G2E3: variants seen among roughly 807,000 people sequenced by gnomAD.
G2E3 encodes G2/M-phase specific E3 ubiquitin protein ligase.
Under a neutral mutation model 92.8 loss-of-function variants are expected in G2E3, and 35 were observed. The observed-to-expected ratio is 0.38, with a 90% confidence interval of 0.29 to 0.50. G2E3 has a LOEUF of 0.50. Ranked by LOEUF, G2E3 falls within the 20% of genes least tolerant of loss-of-function variation. The probability of loss-of-function intolerance (pLI) is 0.94; values close to 1 mark genes in which losing one functional copy is unlikely to be tolerated. For missense variants in G2E3, 554 were observed against 823.8 expected (o/e 0.67, Z 4.01); for synonymous variants, 242 against 272.4 (o/e 0.89, Z 1.10).
At chr14:30,601,686 A>G (rs1270172079) in intron 8 of G2E3, 84 bp from the exon 9 acceptor site, 1 of 1,334,718 alleles carries the variant, frequency 7.5e-7, no homozygotes, top group Admixed American at 1.7e-5. Flanking sequence ...TTTGTGTGTA[A>G]GAAGGCAGGC....
At chr14:30,598,698 G>A in intron 8 of G2E3, 99 bp downstream of exon 8, 1 of 816,536 alleles carries the variant, frequency 1.2e-6, no homozygotes. Context: ...TTTCTCTTAG[G>A]ATGTTAGAAG....
rs1366521346 is a variant in G2E3, at chr14:30,574,118, AG to A, written c.-4-6957del. On this transcript the variant is annotated intron_variant, in intron 1 of 14. Transcript: ENST00000206595. Reference sequence around the variant, plus strand: ...TTCCACATTCACTTTATCATCCTGCAGTATTGTACATTTGCATGTAACTTCC... The same window carrying A: ...TTCCACATTCACTTTATCATCCTGCATATTGTACATTTGCATGTAACTTCC... 4.6e-5 allele frequency among the ~76,000 whole-genome samples: 7 copies of A among 152,286 alleles called. No individual in the cohort carries two copies. The East Asian group carries it at 1.4e-3, about 29-fold the overall frequency.
chr14:30,568,707 T>C (rs412988), intron 1 of G2E3, among the ~76,000 whole-genome samples: 1 of 152,196 alleles, frequency 6.6e-6, no homozygotes. Flanking sequence ...CTAAATGTTA[T>C]TGTGTCAAAT....
At chr14:30,615,208 C>A (rs1882256689) in intron 13 of G2E3, 141 bp from the exon 14 acceptor site, 1 of 527,600 alleles carries the variant, frequency 1.9e-6, no homozygotes, top group Non-Finnish European at 3.4e-6. Flanking sequence ...ATATGATTGT[C>A]TCTTGTGGGG....
intron 1 of G2E3, chr14:30,574,474 G>T (rs527344670): frequency 6.7e-6 from 1 of 149,370 alleles, no homozygotes; most frequent in Non-Finnish European, 1.5e-5. Flanking sequence ...TGTTACATAG[G>T]TAAACAACAT....
chr14:30,598,230 AC>A (rs1881386005), intron 7 of G2E3: 1 of 329,552 alleles, frequency 3.0e-6, no homozygotes, highest in Non-Finnish European at 5.8e-6. Context: ...ACTAAAAAAT[AC>A]AAAAACCAGC....
intron 10 of G2E3, among the ~76,000 whole-genome samples, chr14:30,603,257 C>T (rs557254768): frequency 6.7e-5 from 10 of 148,988 alleles, no homozygotes; most frequent in East Asian, 2.0e-4. Flanking sequence ...ACCCAGGAGG[C>T]GGAGGTTGCA....
chr14:30,595,519 G>A (rs1163133501), intron 6 of G2E3, among the ~76,000 whole-genome samples: 1 of 152,100 alleles, frequency 6.6e-6, no homozygotes, highest in Non-Finnish European at 1.5e-5. Flanking sequence ...CGTTAAAAAA[G>A]TAGAAATAAT....
chr14:30,607,160 A>AT (rs1881867218), intron 11 of G2E3, among the ~76,000 whole-genome samples: 1 of 152,108 alleles, frequency 6.6e-6, no homozygotes, highest in Admixed American at 6.5e-5. Flanking sequence ...GATTTGAGTA[A>AT]TTTTGAGTAG....
At chr14:30,598,728 T>A in intron 8 of G2E3, 129 bp downstream of exon 8, 1 of 708,074 alleles carries the variant, frequency 1.4e-6, no homozygotes, top group Non-Finnish European at 2.6e-6. Flanking sequence ...AGATGAGGGA[T>A]ATTTTCTAAT....
intron 11 of G2E3, among the ~76,000 whole-genome samples, 174 bp downstream of exon 11, chr14:30,605,986 G>A (rs1272420529): frequency 6.6e-6 from 1 of 152,078 alleles, no homozygotes; most frequent in Admixed American, 6.5e-5. Context: ...AGTTTAAAAA[G>A]TAAATTTTGT....
chr14:30,586,605 T>C (rs1342163887), intron 2 of G2E3, 113 bp from the exon 3 acceptor site: 1 of 461,930 alleles, frequency 2.2e-6, no homozygotes, highest in African/African-American at 2.1e-5. Flanking sequence ...CAATATTATA[T>C]GATTTGCTCT....
chr14:30,561,573 ATC>A (rs1175949397), intron 1 of G2E3, among the ~76,000 whole-genome samples: 1 of 152,214 alleles, frequency 6.6e-6, no homozygotes, highest in Non-Finnish European at 1.5e-5. Context: ...CTCCAAATCT[ATC>A]TCTTATTACA....
rs61976695 is a variant in G2E3 at position 30,592,732 on chromosome 14, C to A, written c.362+285C>A. 4.6e-3 allele frequency among the ~76,000 whole-genome samples: 705 copies of A among 152,242 alleles called. 1 individual carries two copies. Among genetic ancestry groups the A allele is most frequent in the Non-Finnish European group, 5.8e-3 (396 of 67,980 alleles). ...AATTTATCCATAATTCAGTGAAAAT[C>A]TCCACCTTTACATAATTCTAGATTT... On this transcript the variant is annotated intron_variant, in intron 5 of 14. Coordinates refer to ENST00000206595, the MANE Select transcript of G2E3 (RefSeq NM_017769.5).
intron 12 of G2E3, among the ~76,000 whole-genome samples, chr14:30,609,293 C>A (rs229232): frequency 0.015 from 2,279 of 152,062 alleles, 60 homozygotes; most frequent in African/African-American, 0.052. Flanking sequence ...CTATTTATTT[C>A]TTGTAATCAG....
At chr14:30,587,519 A>T (rs1880777571) in intron 3 of G2E3, among the ~76,000 whole-genome samples, 1 of 152,194 alleles carries the variant, frequency 6.6e-6, no homozygotes, top group South Asian at 2.1e-4. Context: ...TTGTCATCTC[A>T]CATAGTATCT....
intron 2 of G2E3, among the ~76,000 whole-genome samples, chr14:30,582,903 G>C (rs996249241): frequency 1.3e-5 from 2 of 152,112 alleles, no homozygotes; most frequent in Admixed American, 1.3e-4. Flanking sequence ...AATCTATTTG[G>C]TGAGCAGCCT....
chr14:30,561,860 T>A (rs1241569597), intron 1 of G2E3, among the ~76,000 whole-genome samples: 6 of 151,944 alleles, frequency 3.9e-5, no homozygotes, highest in Non-Finnish European at 8.8e-5. Flanking sequence ...TTTTTTTTTT[T>A]AAGGCTTGGC....
chr14:30,615,060 TTG>T (rs1156535007), intron 13 of G2E3, among the ~76,000 whole-genome samples: 4 of 152,166 alleles, frequency 2.6e-5, no homozygotes, highest in African/African-American at 4.8e-5. Context: ...TAATAAAAAC[TTG>T]TTAGTTTTGA....
Sources: gnomAD v4.1 joint callset for allele counts (sites outside exome capture counted in the v4.1 genomes callset) on GRCh38, gnomAD v4.1.1 for gene constraint, MANE v1.5 for transcripts, NCBI Gene and HGNC (gene_info 2026-07-23, HGNC 2026-07-21) for gene names.